Variants in FMNL3 observed in about 807,000 individuals in gnomAD.
FMNL3 encodes formin-like protein 3.
A neutral mutation model predicts 119.6 loss-of-function variants in FMNL3; 57 were observed. That is an observed-to-expected ratio of 0.48 (90% CI 0.39 to 0.59). The LOEUF (loss-of-function observed/expected upper bound fraction) is 0.59. Ranked by LOEUF, FMNL3 falls within the 20% of genes least tolerant of loss-of-function variation. The pLI is 0.00. For synonymous variants in FMNL3, 491 were observed against 507.3 expected (o/e 0.97, Z 0.43); for missense variants, 1,053 against 1,323.5 (o/e 0.80, Z 3.17).
intron 1 of FMNL3, among the ~76,000 whole-genome samples, chr12:49,698,182 G>A (rs1945460149): frequency 6.6e-6 from 1 of 152,110 alleles, no homozygotes; most frequent in Non-Finnish European, 1.5e-5. Context: ...AGCAAACAGG[G>A]GAGAAACAAA....
At chr12:49,659,495 C>G (rs1158911675) in intron 5 of FMNL3, among the ~76,000 whole-genome samples, 2 of 152,192 alleles carry the variant, frequency 1.3e-5, no homozygotes, top group Non-Finnish European at 2.9e-5. Context: ...ACTGTAACCT[C>G]TAACTCCTGG....
chr12:49,691,071 G>A (rs1400792942), intron 1 of FMNL3, among the ~76,000 whole-genome samples: 1 of 152,124 alleles, frequency 6.6e-6, no homozygotes, highest in East Asian at 1.9e-4. Flanking sequence ...CTGGGCTTTG[G>A]CATCAGGCTG....
At chr12:49,696,335 C>T (rs2139030231) in intron 1 of FMNL3, among the ~76,000 whole-genome samples, 1 of 151,878 alleles carries the variant, frequency 6.6e-6, no homozygotes, top group Middle Eastern at 3.4e-3. Flanking sequence ...CCTGAGCATA[C>T]TCAAACTCCA....
At chr12:49,651,074 C>A in intron 16 of FMNL3, 94 bp downstream of exon 16, 1 of 1,564,906 alleles carries the variant, frequency 6.4e-7, no homozygotes, top group Non-Finnish European at 8.7e-7. Context: ...TGGCCTCACC[C>A]TGTCTGATGG....
At chr12:49,662,703 G>A (rs1230626449) in intron 4 of FMNL3, among the ~76,000 whole-genome samples, 1 of 152,212 alleles carries the variant, frequency 6.6e-6, no homozygotes, top group Non-Finnish European at 1.5e-5. Context: ...ACCACTCAGA[G>A]TCAACCTGAG....
chr12:49,649,086 A>G lies in FMNL3; in HGVS notation c.2458T>C (p.Tyr820His), dbSNP rs769036306. The part of the protein sequence containing the change: ...HFIALTVKEK[Y>H]PDLANFWHEL... ...TGCCAGAAGTTAGCCAGGTCTGGGT[A>G]TTTCTCCTTCACTGTCAAGGCGATG... Residue 820 changes from tyrosine to histidine, a missense_variant, in exon 21 of 26, where the codon TAC becomes CAC. Transcript: ENST00000335154. The surrounding 1 kb of genome is among the most constrained non-coding windows in gnomAD (Gnocchi z 5.6). The G allele has an allele frequency of 6.2e-7, 1 of 1,613,492 alleles. No individual in the cohort carries two copies. The highest frequency in any genetic ancestry group is 1.7e-5 in the Admixed American group (1 of 59,966).
In FMNL3 at chr12:49,641,963, T is replaced by A; in HGVS notation, c.*3852A>T. ...GCCTTTGAGGACTTCGCCCACGTCA[T>A]AAGCTTTGACAAGAGGGCTGCCGCA... On this transcript the variant is annotated 3_prime_UTR_variant, in exon 26 of 26. Transcript: ENST00000335154. 3 of 1,613,972 alleles carry A rather than the reference T, an allele frequency of 1.9e-6. No homozygotes were observed. Among genetic ancestry groups the A allele is most frequent in the Non-Finnish European group, 2.5e-6 (3 of 1,180,036 alleles).
At chr12:49,663,925 G>A (rs1296078609) in intron 4 of FMNL3, among the ~76,000 whole-genome samples, 1 of 152,174 alleles carries the variant, frequency 6.6e-6, no homozygotes, top group Non-Finnish European at 1.5e-5. Flanking sequence ...ACCAGCCTAG[G>A]CAACTATCTC....
intron 9 of FMNL3, 151 bp from the exon 10 acceptor site, chr12:49,655,135 T>C (rs1478818748): frequency 1.5e-6 from 1 of 683,864 alleles, no homozygotes; most frequent in Non-Finnish European, 2.4e-6. Flanking sequence ...CTGGACACTA[T>C]AAAAGAAAAC....
chr12:49,656,400 T>G lies in FMNL3; in HGVS notation c.885+4A>C. Reference sequence around the variant, plus strand: ...ACACACACACGCGAAGCGAAAAGACTGACCTCTTTGAAATTGTCAAAGGCA... The same window carrying G: ...ACACACACACGCGAAGCGAAAAGACGGACCTCTTTGAAATTGTCAAAGGCA... On this transcript the variant is annotated splice_donor_region_variant and intron_variant, in intron 9 of 25. Transcript: ENST00000335154. The G allele has an allele frequency of 6.2e-7, 1 of 1,613,116 alleles. No homozygotes were observed. The highest frequency in any genetic ancestry group is 2.2e-5 in the East Asian group (1 of 44,874).
intron 4 of FMNL3, among the ~76,000 whole-genome samples, chr12:49,663,389 C>T (rs920034372): frequency 1.3e-5 from 2 of 152,234 alleles, no homozygotes; most frequent in Non-Finnish European, 1.5e-5. Context: ...GCTGCTCCTG[C>T]ACACCCAACT....
chr12:49,659,184 C>T (rs1422196119), intron 5 of FMNL3, among the ~76,000 whole-genome samples: 1 of 152,194 alleles, frequency 6.6e-6, no homozygotes, highest in Non-Finnish European at 1.5e-5. Flanking sequence ...AGCACCACTG[C>T]CCCATCTTAG....
chr12:49,656,077 G>T (rs994219461), intron 9 of FMNL3, among the ~76,000 whole-genome samples: 1 of 152,092 alleles, frequency 6.6e-6, no homozygotes, highest in African/African-American at 2.4e-5. Context: ...GGCCTCCAGT[G>T]GGTCTGAACT....
At chr12:49,687,416 G>A (rs925442791) in intron 1 of FMNL3, among the ~76,000 whole-genome samples, 5 of 151,508 alleles carry the variant, frequency 3.3e-5, no homozygotes, top group East Asian at 3.9e-4. Context: ...TTTAAGAGAC[G>A]GGGTTGTCCA....
chr12:49,643,761 AG>A lies in FMNL3; in HGVS notation c.*2053del. On this transcript the variant is annotated 3_prime_UTR_variant, in exon 26 of 26. Transcript: ENST00000335154. Reference sequence around the variant, plus strand: ...AGAGAAGACACAAGTCGGTGAGTGAAGGAACTTCTACCTAAGCCCCTGCTAT... The same window carrying A: ...AGAGAAGACACAAGTCGGTGAGTGAAGAACTTCTACCTAAGCCCCTGCTAT... 2.5e-6 allele frequency: 4 copies of A among 1,613,968 alleles called. No individual in the cohort carries two copies. The highest frequency in any genetic ancestry group is 3.4e-6 in the Non-Finnish European group (4 of 1,179,966).
Position 49,644,198 on chromosome 12 carries a change from T to C in FMNL3, c.*1617A>G. 1 of 1,613,616 alleles carries C rather than the reference T, an allele frequency of 6.2e-7. No individual in the cohort carries two copies. The highest frequency in any genetic ancestry group is 8.5e-7 in the Non-Finnish European group (1 of 1,179,666). ...AGCTGGATGATCACCAGTGACCCAA[T>C]GAGCTGTTCTCTGCCTCGGGTCTGT... On this transcript the variant is annotated 3_prime_UTR_variant, in exon 26 of 26. Coordinates refer to ENST00000335154, the MANE Select transcript of FMNL3 (RefSeq NM_175736.5).
intron 25 of FMNL3, chr12:49,646,572 C>T (rs1943198217): frequency 7.9e-7 from 1 of 1,264,244 alleles, no homozygotes; most frequent in Admixed American, 2.6e-5. Context: ...AAAGAAGGTG[C>T]CTGTGGTCTC....
chr12:49,661,531 G>C (rs1282324156), intron 5 of FMNL3, among the ~76,000 whole-genome samples: 1 of 152,190 alleles, frequency 6.6e-6, no homozygotes. Context: ...CACTGTTCCT[G>C]GGTTCTTCAA....
intron 1 of FMNL3, among the ~76,000 whole-genome samples, chr12:49,672,237 C>T (rs1438975472): frequency 6.6e-6 from 1 of 152,110 alleles, no homozygotes; most frequent in Non-Finnish European, 1.5e-5. Flanking sequence ...TTCACTGATC[C>T]TGCTCTGGCT....
Sources: allele counts gnomAD v4.1 joint callset (sites outside exome capture counted in the v4.1 genomes callset), GRCh38; gene constraint gnomAD v4.1.1; non-coding constraint Gnocchi (gnomAD v3.1); transcripts MANE v1.5; gene names NCBI Gene and HGNC (gene_info 2026-07-23, HGNC 2026-07-21).